Variants in AGBL1 observed in about 807,000 individuals in gnomAD.
The protein encoded by AGBL1 is cytosolic carboxypeptidase 4.
AGBL1 carries 130 observed loss-of-function variants against 118.9 expected under a neutral mutation model. The ratio of observed to expected loss-of-function variants is 1.09; its 90% CI spans 0.95 to 1.26. The LOEUF (loss-of-function observed/expected upper bound fraction) is 1.26. Among genes scored for constraint, AGBL1 ranks in the 50% most tolerant of loss-of-function variants. AGBL1 has a pLI of 0.00. For synonymous variants in AGBL1, 555 were observed against 478.9 expected (o/e 1.16, Z -2.08); for missense variants, 1,584 against 1,298.1 (o/e 1.22, Z -3.38).
At chr15:86,168,080 A>T (rs1178091088) in intron 5 of AGBL1, among the ~76,000 whole-genome samples, 1 of 152,192 alleles carries the variant, frequency 6.6e-6, no homozygotes, top group African/African-American at 2.4e-5. Flanking sequence ...TTAACTATCC[A>T]TTGATTCATT....
intron 22 of AGBL1, among the ~76,000 whole-genome samples, chr15:86,707,918 A>AAATGGAGGGTT (rs1261155648): frequency 5.9e-5 from 9 of 152,220 alleles, no homozygotes; most frequent in African/African-American, 1.9e-4. Flanking sequence ...TCATAGTTGG[A>AAATGGAGGGTT]AATGGAGGGT....
chr15:86,466,605 C>T (rs976532954), intron 18 of AGBL1, among the ~76,000 whole-genome samples: 2 of 152,178 alleles, frequency 1.3e-5, no homozygotes, highest in Non-Finnish European at 2.9e-5. Flanking sequence ...CCTTTTTGTG[C>T]TGATTTTTCC....
chr15:86,534,356 C>A (rs1230026675), intron 19 of AGBL1, among the ~76,000 whole-genome samples: 1 of 152,110 alleles, frequency 6.6e-6, no homozygotes, highest in Non-Finnish European at 1.5e-5. Flanking sequence ...AGAAGAGTTT[C>A]CCTTGGATTT....
chr15:86,321,990 T>A (rs1402945762), intron 17 of AGBL1, among the ~76,000 whole-genome samples: 2 of 151,900 alleles, frequency 1.3e-5, no homozygotes, highest in Non-Finnish European at 2.9e-5. Flanking sequence ...GATTGTAAAT[T>A]AATTTTATTG....
intron 1 of AGBL1, among the ~76,000 whole-genome samples, chr15:86,128,148 G>T (rs2076772209): frequency 6.6e-6 from 1 of 152,080 alleles, no homozygotes; most frequent in African/African-American, 2.4e-5. Flanking sequence ...CTTGAGACTG[G>T]GTAATTTATA....
chr15:86,973,334 C>T (rs1243354808), intron 23 of AGBL1, among the ~76,000 whole-genome samples: 1 of 151,978 alleles, frequency 6.6e-6, no homozygotes, highest in African/African-American at 2.4e-5. Context: ...CTTAAAATTG[C>T]TACACCATCA....
intron 17 of AGBL1, among the ~76,000 whole-genome samples, chr15:86,340,197 G>A (rs1567207245): frequency 2.0e-5 from 3 of 151,776 alleles, no homozygotes; most frequent in South Asian, 2.1e-4. Flanking sequence ...TTTTTTGACG[G>A]AAACCTGTAT....
intron 17 of AGBL1, among the ~76,000 whole-genome samples, chr15:86,316,489 A>G (rs1567195608): frequency 2.0e-5 from 3 of 151,986 alleles, no homozygotes; most frequent in Admixed American, 6.5e-5. Context: ...TGCCTGCTCT[A>G]CCCCTCGGTA....
In AGBL1 at chr15:86,323,820, C is replaced by T. The variant is rs117008430; in HGVS notation, c.2374+28412C>T. On this transcript the variant is annotated intron_variant, in intron 17 of 22. Coordinates refer to ENST00000614907, the MANE Select transcript of AGBL1 (RefSeq NM_001386094.1). ...TGGACCATTGGTGCTCAGTTTTGCACAGTATTTTGCAAACTTAATGGACTT... is the reference window on the plus strand; with the variant it reads ...TGGACCATTGGTGCTCAGTTTTGCATAGTATTTTGCAAACTTAATGGACTT... Among the ~76,000 whole-genome samples the T allele has an allele frequency of 5.3e-4, 81 of 152,324 alleles. 1 individual carries two copies. In the East Asian group the frequency reaches 0.01, roughly 19 times the overall value.
chr15:86,594,095 T>A (rs1283619104), intron 21 of AGBL1, among the ~76,000 whole-genome samples: 2 of 152,060 alleles, frequency 1.3e-5, no homozygotes, highest in African/African-American at 4.8e-5. Context: ...CTGGCTATTT[T>A]TTTTATTTTA....
chr15:86,858,374 A>G (rs2079514297), intron 22 of AGBL1, among the ~76,000 whole-genome samples: 2 of 152,130 alleles, frequency 1.3e-5, no homozygotes, highest in Non-Finnish European at 1.5e-5. Context: ...CTTTAACACT[A>G]TGCTGGGCAC....
intron 18 of AGBL1, among the ~76,000 whole-genome samples, chr15:86,510,665 A>G (rs2142177444): frequency 6.6e-6 from 1 of 152,244 alleles, no homozygotes; most frequent in African/African-American, 2.4e-5. Context: ...AACAAGGAAT[A>G]TACAGTGACT....
chr15:86,852,246 G>T (rs561843770), intron 22 of AGBL1, among the ~76,000 whole-genome samples: 1 of 152,254 alleles, frequency 6.6e-6, no homozygotes, highest in East Asian at 1.9e-4. Flanking sequence ...CAGAGAAGAT[G>T]CCAGACACTT....
At chr15:86,506,908 A>T (rs1392956876) in intron 18 of AGBL1, among the ~76,000 whole-genome samples, 1 of 152,128 alleles carries the variant, frequency 6.6e-6, no homozygotes, top group Non-Finnish European at 1.5e-5. Flanking sequence ...AATTTTTCTT[A>T]AGGAATATTA....
chr15:86,258,057 A>G (rs2078925277), intron 9 of AGBL1, 26 bp downstream of exon 9: 4 of 1,606,978 alleles, frequency 2.5e-6, no homozygotes, highest in Non-Finnish European at 3.4e-6. Flanking sequence ...CATGCTTCTA[A>G]TGATGTCCAT....
chr15:86,317,096 G>C (rs1194284886), intron 17 of AGBL1: 5 of 152,246 alleles, frequency 3.3e-5, no homozygotes, highest in African/African-American at 4.8e-5. Flanking sequence ...GGTATTTCCT[G>C]CCTCTCATCT....
chr15:86,092,537 G>C (rs556178824), intron 1 of AGBL1, among the ~76,000 whole-genome samples: 1 of 152,118 alleles, frequency 6.6e-6, no homozygotes, highest in Admixed American at 6.6e-5. Context: ...GTAATGGATT[G>C]AAGTCAAGAG....
intron 21 of AGBL1, among the ~76,000 whole-genome samples, chr15:86,653,841 G>C (rs1187596226): frequency 6.6e-6 from 1 of 152,116 alleles, no homozygotes; most frequent in African/African-American, 2.4e-5. Flanking sequence ...CATACTCCCA[G>C]AGACCAAATA....
At chr15:87,019,580 C>CAAAG (rs1460284925) in intron 24 of AGBL1, among the ~76,000 whole-genome samples, 1 of 151,960 alleles carries the variant, frequency 6.6e-6, no homozygotes, top group Non-Finnish European at 1.5e-5. Flanking sequence ...CTAATAAAAA[C>CAAAG]AAAGAGCCAA....
Sources: allele counts gnomAD v4.1 joint callset (sites outside exome capture counted in the v4.1 genomes callset), GRCh38; gene constraint gnomAD v4.1.1; transcripts MANE v1.5; gene names NCBI Gene and HGNC (gene_info 2026-07-23, HGNC 2026-07-21).